Variants in AHNAK observed in about 807,000 individuals in gnomAD.
AHNAK encodes neuroblast differentiation-associated protein AHNAK.
A neutral mutation model predicts 37.8 loss-of-function variants in AHNAK; 23 were observed. The observed-to-expected ratio is 0.61, with a 90% CI of 0.44 to 0.86. The LOEUF (loss-of-function observed/expected upper bound fraction) is 0.86. AHNAK is among the 40% of genes least tolerant of loss of function. The pLI is 0.00. For synonymous variants in AHNAK, 2,481 were observed against 2,636.3 expected (o/e 0.94, Z 1.80); for missense variants, 7,411 against 7,319.4 (o/e 1.01, Z -0.46).
exon 5 of AHNAK, chr11:62,491,785 T>C: frequency 1.2e-6 from 2 of 1,613,154 alleles, no homozygotes; most frequent in Non-Finnish European, 1.7e-6. Context: ...GGCTTCCTTC[T>C]GTTTGTTCTG....
intron 5 of AHNAK, among the ~76,000 whole-genome samples, chr11:62,487,171 C>G (rs1198277742): frequency 2.6e-5 from 4 of 152,246 alleles, no homozygotes; most frequent in African/African-American, 9.6e-5. Context: ...ATAATTACAA[C>G]AGCTAACGTT....
chr11:62,436,210 G>A (rs1438902009), intron 5 of AHNAK, among the ~76,000 whole-genome samples: 1 of 152,164 alleles, frequency 6.6e-6, no homozygotes, highest in South Asian at 2.1e-4. Flanking sequence ...TAAAGGGGCT[G>A]GGCTTCCCAA....
chr11:62,529,852 C>A lies in AHNAK; in HGVS notation c.4565G>T (p.Gly1522Val), dbSNP rs1479698024. The A allele has an allele frequency of 3.1e-6, 5 of 1,613,926 alleles. No individual in the cohort carries two copies. The highest frequency in any genetic ancestry group is 4.2e-6 in the Non-Finnish European group (5 of 1,180,016). Residue 1522 changes from glycine to valine, a missense_variant, in exon 5 of 5, where the codon GGC becomes GTC. Physicochemically the swap from Gly to Val is moderately radical, Grantham distance 109 (BLOSUM62 -3). Coordinates refer to ENST00000378024, the MANE Select transcript of AHNAK (RefSeq NM_001620.3). ...CACCTCTGGGCCCTCTCCTTTAAAGCCAGGCATGCTGAACTTGGGCATTTT... is the reference window on the plus strand; with the variant it reads ...CACCTCTGGGCCCTCTCCTTTAAAGACAGGCATGCTGAACTTGGGCATTTT... ...KVKMPKFSMP[G>V]FKGEGPEVDM...
intron 5 of AHNAK, among the ~76,000 whole-genome samples, chr11:62,482,351 G>A (rs1307193888): frequency 6.6e-6 from 1 of 151,824 alleles, no homozygotes; most frequent in African/African-American, 2.4e-5. Context: ...GGAGGCAAAG[G>A]TTGCAGTGAG....
At chr11:62,543,714 G>A (rs1008400438) in intron 1 of AHNAK, among the ~76,000 whole-genome samples, 1 of 152,224 alleles carries the variant, frequency 6.6e-6, no homozygotes, top group African/African-American at 2.4e-5. Context: ...CGGATGGCCT[G>A]AGCCCAGGGA....
At chr11:62,488,565 A>ATTTTTTTTTTTTTTTTTT (rs57544040) in intron 5 of AHNAK, among the ~76,000 whole-genome samples, 1 of 133,964 alleles carries the variant, frequency 7.5e-6, no homozygotes, top group African/African-American at 2.9e-5. Context: ...TGCCCAGCTA[A>ATTTTTTTTTTTTTTTTTT]TTTTTTTTTT....
At position 62,527,460 on chromosome 11, in the gene AHNAK, G is replaced by A; in HGVS notation, c.6957C>T (p.Phe2319=). ...CTTTGATTTTGGGTCCCTTTAAATT[G>A]AAATCAACATCAGGCATGGAGATCT... The part of the protein sequence containing the change: ...TPKISMPDVD[F]NLKGPKIKGD... The change falls in exon 5 of 5, where the codon TTC becomes TTT. Residue 2319 remains phenylalanine, a synonymous_variant. Coordinates refer to ENST00000378024, the MANE Select transcript of AHNAK (RefSeq NM_001620.3). 6.2e-7 allele frequency: 1 copy of A among 1,613,782 alleles called. No individual in the cohort carries two copies. The highest frequency in any genetic ancestry group is 1.1e-5 in the South Asian group (1 of 91,052).
In AHNAK at chr11:62,530,456, G is replaced by A. The variant is rs1940692691; in HGVS notation, c.3961C>T (p.Pro1321Ser). Residue 1321 changes from proline (P) to serine (S), a missense_variant, in exon 5 of 5, where the codon CCC becomes TCC. Physicochemically the swap from Pro to Ser is moderately conservative, Grantham distance 74. Coordinates refer to ENST00000378024, the MANE Select transcript of AHNAK (RefSeq NM_001620.3). Reference sequence around the variant, plus strand: ...TCCACATCAGGCATGGAGATCTTGGGGGCCTTGAAGTGCATCTCAGGCATC... The same window carrying A: ...TCCACATCAGGCATGGAGATCTTGGAGGCCTTGAAGTGCATCTCAGGCATC... ...FKMPEMHFKAPKISMPDVDLN... is the reference protein window; with the variant it reads ...FKMPEMHFKASKISMPDVDLN... 6.2e-7 allele frequency: 1 copy of A among 1,613,772 alleles called. No individual in the cohort carries two copies. Among genetic ancestry groups the A allele is most frequent in the East Asian group, 2.2e-5 (1 of 44,862 alleles).
intron 5 of AHNAK, among the ~76,000 whole-genome samples, chr11:62,475,331 C>A (rs931330893): frequency 6.6e-6 from 1 of 151,990 alleles, no homozygotes; most frequent in Non-Finnish European, 1.5e-5. Context: ...ACCCCTGCAG[C>A]CATCAAAATG....
chr11:62,518,922 C>T lies in AHNAK; in HGVS notation c.15495G>A (p.Gln5165=). 1 of 1,614,100 alleles carries T rather than the reference C, an allele frequency of 6.2e-7. No homozygotes were observed. The highest frequency in any genetic ancestry group is 8.5e-7 in the Non-Finnish European group (1 of 1,179,994). Residue 5165 remains glutamine (Q), a synonymous_variant, in exon 5 of 5, where the codon CAG becomes CAA. Coordinates refer to ENST00000378024, the MANE Select transcript of AHNAK (RefSeq NM_001620.3). The part of the protein sequence containing the change: ...IEGDLKGPKV[Q]ANLGAPDINI... ...TGATGTCAGGTGCACCCAAGTTTGC[C>T]TGCACTTTGGGGCCTTTCAGGTCAC...
At chr11:62,510,291 G>A (rs534764107) in intron 4 of AHNAK, among the ~76,000 whole-genome samples, 5 of 151,778 alleles carry the variant, frequency 3.3e-5, no homozygotes, top group East Asian at 2.0e-4. Context: ...AGATCCACCC[G>A]CCTCAGCCTC....
chr11:62,512,679 G>T (rs572989306), downstream of AHNAK, among the ~76,000 whole-genome samples: 10 of 152,038 alleles, frequency 6.6e-5, no homozygotes, highest in Non-Finnish European at 1.3e-4. The surrounding 1 kb of genome is among the most constrained non-coding windows in gnomAD (Gnocchi z 4.0). Flanking sequence ...CAAGGAGGGA[G>T]TGATTGATTG....
At chr11:62,452,503 G>A (rs928241352) in intron 5 of AHNAK, among the ~76,000 whole-genome samples, 3 of 152,194 alleles carry the variant, frequency 2.0e-5, no homozygotes, top group East Asian at 1.9e-4. Context: ...TTGTGTGGAC[G>A]GATGGGTGAT....
At chr11:62,474,617 C>T (rs1381306307) in intron 5 of AHNAK, among the ~76,000 whole-genome samples, 1 of 152,210 alleles carries the variant, frequency 6.6e-6, no homozygotes, top group African/African-American at 2.4e-5. Flanking sequence ...ATTTCCCCAC[C>T]TGCGAATGGA....
At chr11:62,484,994 G>T (rs1939361135) in intron 5 of AHNAK, among the ~76,000 whole-genome samples, 1 of 152,078 alleles carries the variant, frequency 6.6e-6, no homozygotes, top group Non-Finnish European at 1.5e-5. Flanking sequence ...TCTCCATGTT[G>T]GCCAGGCTGG....
At chr11:62,534,138 C>A in intron 4 of AHNAK, 64 bp from the exon 5 acceptor site, 1 of 1,471,934 alleles carries the variant, frequency 6.8e-7, no homozygotes, top group Non-Finnish European at 9.0e-7. Flanking sequence ...GATGCCCGGC[C>A]ACAGCCCAGC....
At position 62,527,556 on chromosome 11, in the gene AHNAK, G is replaced by T; in HGVS notation, c.6861C>A (p.Ser2287Arg). The change falls in exon 5 of 5, where the codon AGC (serine) becomes AGA (arginine). Residue 2287 changes from serine to arginine, a missense_variant. Physicochemically the swap from Ser to Arg is moderately radical, Grantham distance 110 (BLOSUM62 -1). Transcript: ENST00000378024. ...PKVDVEVPDV[S>R]LEGPEGKLKG... The stretch of plus-strand genomic sequence containing the variant: ...TCAGCTTCCCTTCTGGACCTTCAAG[G>T]CTCACATCTGGGACTTCAACATCCA... 6.2e-7 allele frequency: 1 copy of T among 1,610,240 alleles called. No homozygotes were observed. Among genetic ancestry groups the T allele is most frequent in the African/African-American group, 1.4e-5 (1 of 73,694 alleles).
intron 5 of AHNAK, among the ~76,000 whole-genome samples, chr11:62,437,109 T>A (rs879513862): frequency 6.6e-6 from 1 of 152,048 alleles, no homozygotes; most frequent in Admixed American, 6.6e-5. Flanking sequence ...CCAATCCATA[T>A]CCCCACCAGA....
chr11:62,466,651 G>A (rs773160667), intron 5 of AHNAK, among the ~76,000 whole-genome samples: 21 of 152,042 alleles, frequency 1.4e-4, no homozygotes, highest in Non-Finnish European at 2.5e-4. Context: ...CATTCAAGCT[G>A]TTTCTTCTGC....
Sources: allele counts gnomAD v4.1 joint callset (sites outside exome capture counted in the v4.1 genomes callset), GRCh38; gene constraint gnomAD v4.1.1; non-coding constraint Gnocchi (gnomAD v3.1); transcripts MANE v1.5; gene names NCBI Gene and HGNC (gene_info 2026-07-23, HGNC 2026-07-21).